The following RUNX2 variants were observed in gnomAD, a reference collection of about 807,000 sequenced individuals.
RUNX2 encodes runt-related transcription factor 2.
Under a neutral mutation model 51.7 loss-of-function variants are expected in RUNX2, and 10 were observed. That is an observed-to-expected ratio of 0.19 (90% confidence interval 0.12 to 0.33). RUNX2 has a LOEUF of 0.33. Among genes scored for constraint, RUNX2 ranks in the 10% least tolerant of loss-of-function variants. RUNX2 has a pLI of 1.00. For synonymous variants in RUNX2, 276 were observed against 273.6 expected (o/e 1.01, Z -0.09); for missense variants, 562 against 691.3 (o/e 0.81, Z 2.10).
At chr6:45,371,858 A>C (rs1416509088) in intron 2 of RUNX2, 1 of 982,580 alleles carries the variant, frequency 1.0e-6, no homozygotes, top group Non-Finnish European at 1.2e-6. Context: ...TTTGAAAATC[A>C]CTAATTTCCT....
At chr6:45,442,113 C>T (rs1312430958) in intron 5 of RUNX2, among the ~76,000 whole-genome samples, 1 of 152,224 alleles carries the variant, frequency 6.6e-6, no homozygotes, top group Non-Finnish European at 1.5e-5. Context: ...TGTGATTCAT[C>T]TCGGTTATAA....
intron 7 of RUNX2, among the ~76,000 whole-genome samples, chr6:45,520,217 T>G (rs1290985604): frequency 1.3e-5 from 2 of 152,212 alleles, no homozygotes; most frequent in Non-Finnish European, 2.9e-5. Context: ...CTTTTGTTGC[T>G]GACTTTGTCA....
At chr6:45,348,404 C>T (rs922155044) in intron 2 of RUNX2, among the ~76,000 whole-genome samples, 3 of 151,554 alleles carry the variant, frequency 2.0e-5, no homozygotes, top group Admixed American at 6.6e-5. Flanking sequence ...CGGTGGCTCA[C>T]GCCTGTAATC....
At chr6:45,477,850 C>T (rs1201003126) in intron 5 of RUNX2, among the ~76,000 whole-genome samples, 1 of 152,200 alleles carries the variant, frequency 6.6e-6, no homozygotes, top group Non-Finnish European at 1.5e-5. Context: ...TAAAATACTT[C>T]AGTGTCTCCC....
intron 6 of RUNX2, among the ~76,000 whole-genome samples, chr6:45,503,939 T>C (rs1800875579): frequency 1.3e-5 from 2 of 152,214 alleles, no homozygotes; most frequent in Admixed American, 1.3e-4. Flanking sequence ...AGTTTACTAA[T>C]TCTCTCTTCT....
intron 2 of RUNX2, among the ~76,000 whole-genome samples, chr6:45,338,402 C>A (rs1407528065): frequency 2.0e-5 from 3 of 151,208 alleles, no homozygotes; most frequent in Non-Finnish European, 4.4e-5. Flanking sequence ...AATAAAAATA[C>A]AATAAAACTG....
At chr6:45,449,115 T>C (rs528922843) in intron 5 of RUNX2, among the ~76,000 whole-genome samples, 1 of 152,260 alleles carries the variant, frequency 6.6e-6, no homozygotes, top group African/African-American at 2.4e-5. Context: ...GATTCCCTTA[T>C]GGCTAAGGGG....
Position 45,547,750 on chromosome 6 carries a change from C to T in RUNX2, c.*445C>T, listed in dbSNP as rs140502641. 8.6e-4 allele frequency: 195 copies of T among 227,130 alleles called. 1 individual carries two copies. The highest frequency in any genetic ancestry group is 4.3e-3 in the African/African-American group (188 of 43,510). 14.1% of individuals were successfully genotyped at this position (227,130 alleles called of 1,614,324 possible). On this transcript the variant is annotated 3_prime_UTR_variant, in exon 9 of 9. Transcript: ENST00000647337. ...CAGCTGTGTATGGACCAGTGCCCTC[C>T]GCAGACAGCTCACAAAACCAGTTGA...
intron 2 of RUNX2, among the ~76,000 whole-genome samples, chr6:45,386,387 G>T (rs1310103952): frequency 6.6e-6 from 1 of 152,126 alleles, no homozygotes; most frequent in Non-Finnish European, 1.5e-5. Context: ...TTTTCTCAAA[G>T]AAATTGGAGA....
At chr6:45,445,835 G>A (rs945460221) in intron 5 of RUNX2, among the ~76,000 whole-genome samples, 2 of 150,042 alleles carry the variant, frequency 1.3e-5, no homozygotes, top group African/African-American at 4.9e-5. Flanking sequence ...GGGGCGGGGG[G>A]ATGGGTCAGA....
chr6:45,483,122 G>C (rs1011737420), intron 5 of RUNX2, among the ~76,000 whole-genome samples: 1 of 152,118 alleles, frequency 6.6e-6, no homozygotes. Context: ...CTCTACTCAC[G>C]AGCTATCCTG....
chr6:45,376,235 T>A (rs149920863), intron 2 of RUNX2, among the ~76,000 whole-genome samples: 118 of 152,328 alleles, frequency 7.7e-4, no homozygotes, highest in African/African-American at 2.8e-3. Flanking sequence ...TGAACTGCAG[T>A]ATTTGAATGA....
At chr6:45,444,070 G>A (rs1798920361) in intron 5 of RUNX2, among the ~76,000 whole-genome samples, 1 of 151,992 alleles carries the variant, frequency 6.6e-6, no homozygotes, top group Non-Finnish European at 1.5e-5. Context: ...GACTGATATC[G>A]ACCTCCTGAC....
chr6:45,471,110 T>C (rs1799786505), intron 5 of RUNX2, among the ~76,000 whole-genome samples: 1 of 152,138 alleles, frequency 6.6e-6, no homozygotes, highest in African/African-American at 2.4e-5. Flanking sequence ...CACTTGGGGG[T>C]TGGGAATGGG....
rs201671225 is a variant in RUNX2, at chr6:45,502,211, A to G, written c.860-10035A>G. Among the ~76,000 whole-genome samples, 7 of 152,270 alleles carry G rather than the reference A, an allele frequency of 4.6e-5. No homozygotes were observed. The East Asian group carries it at 7.7e-4, about 17-fold the overall frequency. On this transcript the variant is annotated intron_variant, in intron 6 of 8. Transcript: ENST00000647337. The stretch of plus-strand genomic sequence containing the variant: ...TTGGAGCAGAGACTTGAATTCATCT[A>G]AAGCAGCACACTGCTCTCCCTTATC...
chr6:45,341,583 A>G (rs942428230), intron 2 of RUNX2, among the ~76,000 whole-genome samples: 14 of 152,226 alleles, frequency 9.2e-5, no homozygotes, highest in African/African-American at 3.4e-4. Context: ...AAAAAGGTTA[A>G]AAGTGAGTTT....
At chr6:45,396,617 C>T (rs1241798734) in intron 2 of RUNX2, among the ~76,000 whole-genome samples, 1 of 152,116 alleles carries the variant, frequency 6.6e-6, no homozygotes, top group African/African-American at 2.4e-5. Context: ...TGTTGTTCAG[C>T]CTGCTCTCAA....
chr6:45,504,186 T>C (rs1375263163), intron 6 of RUNX2, among the ~76,000 whole-genome samples: 8 of 152,186 alleles, frequency 5.3e-5, no homozygotes, highest in African/African-American at 1.4e-4. Context: ...ATGAGCCAGA[T>C]GCTCTGTGAT....
chr6:45,356,151 C>T (rs945599851), intron 2 of RUNX2, among the ~76,000 whole-genome samples: 1 of 151,900 alleles, frequency 6.6e-6, no homozygotes, highest in Non-Finnish European at 1.5e-5. Context: ...AATGTTATGC[C>T]AATTAGAAAA....
Sources: gnomAD v4.1 joint callset for allele counts (sites outside exome capture counted in the v4.1 genomes callset) on GRCh38, gnomAD v4.1.1 for gene constraint, MANE v1.5 for transcripts, NCBI Gene and HGNC (gene_info 2026-07-23, HGNC 2026-07-21) for gene names.